The following ATP13A5 variants were observed in gnomAD, a reference collection of about 807,000 sequenced individuals.
ATP13A5 encodes the protein ATPase 13A5.
Under a neutral mutation model 150.2 loss-of-function variants are expected in ATP13A5, and 149 were observed. The ratio of observed to expected loss-of-function variants is 0.99; its 90% CI spans 0.87 to 1.14. The LOEUF (loss-of-function observed/expected upper bound fraction) is 1.14, where lower values mean the gene tolerates loss of function less well. Ranked by LOEUF, ATP13A5 falls within the 50% of genes most tolerant of loss-of-function variation. The pLI is 0.00. For missense variants in ATP13A5, 1,383 were observed against 1,449.3 expected (o/e 0.95, Z 0.74); for synonymous variants, 497 against 522.2 (o/e 0.95, Z 0.66).
At chr3:193,301,468 C>G (rs1232741462) in intron 23 of ATP13A5, among the ~76,000 whole-genome samples, 161 bp from the exon 24 acceptor site, 2 of 152,140 alleles carry the variant, frequency 1.3e-5, no homozygotes, top group African/African-American at 4.8e-5. Flanking sequence ...TTCATTCATT[C>G]TCTCCTTCAA....
chr3:193,325,985 C>G (rs1205163488), intron 13 of ATP13A5, among the ~76,000 whole-genome samples: 6 of 152,144 alleles, frequency 3.9e-5, no homozygotes, highest in Non-Finnish European at 7.4e-5. Flanking sequence ...ATCTGAGCAC[C>G]AGGAGCAGAG....
chr3:193,309,118 A>G (rs760552285), intron 21 of ATP13A5, among the ~76,000 whole-genome samples: 6 of 152,178 alleles, frequency 3.9e-5, no homozygotes, highest in African/African-American at 7.2e-5. Context: ...TTACATTCCC[A>G]GAAACCAGTA....
Position 193,334,992 on chromosome 3 carries a change from T to A in ATP13A5, c.1051A>T (p.Thr351Ser), listed in dbSNP as rs200990123. The part of the protein sequence containing the change: ...DYRKHVLFCG[T>S]EVIQVKPSGQ... ...GAGGGCTTGACCTGGATAACTTCTG[T>A]TCCACAGAAAAGGACGTGTTTCCTA... The change falls in exon 10 of 30, where the codon ACA (threonine) becomes TCA (serine). Residue 351 changes from threonine (T) to serine (S), a missense_variant. Physicochemically the swap from Thr to Ser is moderately conservative, Grantham distance 58 (BLOSUM62 1). Transcript: ENST00000342358. 6.2e-7 allele frequency: 1 copy of A among 1,613,980 alleles called. No individual in the cohort carries two copies. Among genetic ancestry groups the A allele is most frequent in the East Asian group, 2.2e-5 (1 of 44,876 alleles).
chr3:193,297,214 C>G (rs1718209240), intron 25 of ATP13A5, among the ~76,000 whole-genome samples: 1 of 152,010 alleles, frequency 6.6e-6, no homozygotes. Flanking sequence ...GAGTAGGTGA[C>G]TCAAGGGAAG....
chr3:193,344,914 A>G (rs1712274187), intron 8 of ATP13A5, 89 bp downstream of exon 8: 2 of 1,289,580 alleles, frequency 1.6e-6, no homozygotes, highest in African/African-American at 2.9e-5. Context: ...TGAAAAGATT[A>G]TTTCTCCTTG....
chr3:193,336,315 G>T (rs1054349112), intron 9 of ATP13A5, among the ~76,000 whole-genome samples: 1 of 152,072 alleles, frequency 6.6e-6, no homozygotes, highest in Non-Finnish European at 1.5e-5. Flanking sequence ...GTATACATGT[G>T]CCATGCTGGT....
intron 13 of ATP13A5, 100 bp downstream of exon 13, chr3:193,326,896 T>G: frequency 1.0e-6 from 1 of 1,002,228 alleles, no homozygotes; most frequent in South Asian, 1.4e-5. Context: ...ATTGTATATA[T>G]TTTATGTGAC....
intron 12 of ATP13A5, among the ~76,000 whole-genome samples, chr3:193,329,468 G>A (rs1036179901): frequency 2.6e-5 from 4 of 151,846 alleles, no homozygotes; most frequent in East Asian, 1.9e-4. Flanking sequence ...ACAGCCTCGG[G>A]AAAATTAATT....
chr3:193,336,424 T>A (rs966966239), intron 9 of ATP13A5, among the ~76,000 whole-genome samples: 4 of 152,122 alleles, frequency 2.6e-5, no homozygotes, highest in Admixed American at 6.6e-5. Context: ...TGTGTGATGT[T>A]CCCCTTCCTG....
At chr3:193,303,808 T>C (rs563431051) in intron 23 of ATP13A5, among the ~76,000 whole-genome samples, 15 of 151,422 alleles carry the variant, frequency 9.9e-5, no homozygotes, top group East Asian at 3.9e-4. Context: ...TAAATATATA[T>C]ACACACACAC....
Position 193,378,074 on chromosome 3 carries a change from ATGTGTG to A in ATP13A5, c.63+583_63+588del, listed in dbSNP as rs5855484. 3.2e-3 allele frequency among the ~76,000 whole-genome samples: 488 copies of A among 150,518 alleles called. 3 individuals carry two copies. The highest frequency in any genetic ancestry group is 0.028 in the East Asian group (143 of 5,120). On this transcript the variant is annotated intron_variant, in intron 1 of 29. Coordinates refer to ENST00000342358, the MANE Select transcript of ATP13A5 (RefSeq NM_198505.4). Reference sequence around the variant, plus strand: ...TCAACTTTTTAATTATTATTTTTAAATGTGTGTGTGTGTGTGTGTGTGTGTTTGATG... The same window carrying A: ...TCAACTTTTTAATTATTATTTTTAAATGTGTGTGTGTGTGTGTGTTTGATG...
chr3:193,353,568 G>A (rs1712652287), intron 6 of ATP13A5, among the ~76,000 whole-genome samples: 1 of 152,112 alleles, frequency 6.6e-6, no homozygotes, highest in South Asian at 2.1e-4. Context: ...ATGGTATTTG[G>A]AGATGGGTCC....
At chr3:193,354,268 C>T (rs1354551542) in intron 5 of ATP13A5, 72 bp from the exon 6 acceptor site, 1 of 1,341,786 alleles carries the variant, frequency 7.5e-7, no homozygotes, top group African/African-American at 1.5e-5. Context: ...CCAAACTAAA[C>T]AGAAGTCATT....
chr3:193,370,876 C>A (rs529901198), intron 1 of ATP13A5, among the ~76,000 whole-genome samples: 11 of 152,282 alleles, frequency 7.2e-5, no homozygotes, highest in African/African-American at 2.2e-4. Context: ...CTAAATCATT[C>A]AGTCTGGAGT....
chr3:193,302,596 G>A (rs1193738557), intron 23 of ATP13A5, among the ~76,000 whole-genome samples: 3 of 152,154 alleles, frequency 2.0e-5, no homozygotes, highest in African/African-American at 7.2e-5. Context: ...ATTTATCTAC[G>A]CATTCTACAA....
intron 1 of ATP13A5, among the ~76,000 whole-genome samples, chr3:193,368,392 T>TTGTG (rs1286543236): frequency 0.26 from 37,725 of 147,166 alleles, 4,849 homozygotes; most frequent in Non-Finnish European, 0.29. Flanking sequence ...CTCTTCAGAC[T>TTGTG]TGTGTGTGTG....
intron 10 of ATP13A5, 59 bp downstream of exon 10, chr3:193,334,870 A>G: frequency 6.6e-7 from 1 of 1,522,550 alleles, no homozygotes; most frequent in Non-Finnish European, 9.0e-7. Context: ...AAATTTCCCT[A>G]ATCCAACTCT....
chr3:193,295,797 C>T lies in ATP13A5; in HGVS notation c.2848+3334G>A, dbSNP rs138210805. Reference sequence around the variant, plus strand: ...TAAGCATGTCTGTTCCTGCCTCATTCGCTGCATGCTGTCTGTACAAGATAA... The same window carrying T: ...TAAGCATGTCTGTTCCTGCCTCATTTGCTGCATGCTGTCTGTACAAGATAA... On this transcript the variant is annotated intron_variant, in intron 25 of 29. Coordinates refer to ENST00000342358, the MANE Select transcript of ATP13A5 (RefSeq NM_198505.4). Among the ~76,000 whole-genome samples, 731 of 152,256 alleles carry T rather than the reference C, an allele frequency of 4.8e-3. 6 individuals carry two copies. The highest frequency in any genetic ancestry group is 0.017 in the African/African-American group (698 of 41,558).
At chr3:193,328,011 C>T (rs537202824) in intron 12 of ATP13A5, among the ~76,000 whole-genome samples, 12 of 152,318 alleles carry the variant, frequency 7.9e-5, no homozygotes, top group Middle Eastern at 3.4e-3. Context: ...TGGCAACCTC[C>T]GTCATTATAG....
Sources: gnomAD v4.1 joint callset for allele counts (sites outside exome capture counted in the v4.1 genomes callset) on GRCh38, gnomAD v4.1.1 for gene constraint, MANE v1.5 for transcripts, NCBI Gene and HGNC (gene_info 2026-07-23, HGNC 2026-07-21) for gene names.